INSL6: variants seen among roughly 807,000 people sequenced by gnomAD.
INSL6 encodes the protein insulin like 6.
INSL6 carries 16 observed loss-of-function variants against 9.4 expected under a neutral mutation model. The ratio of observed to expected loss-of-function variants is 1.70; its 90% confidence interval spans 1.15 to 2.59. INSL6 has a LOEUF of 2.59. INSL6 is among the 30% of genes most tolerant of loss of function. The pLI is 0.00. For missense variants in INSL6, 391 were observed against 257.3 expected, an observed-to-expected ratio of 1.52 and a Z score of -3.56; for synonymous variants, 154 against 96.9, an observed-to-expected ratio of 1.59 and a Z score of -3.46.
the INSL6 span, among the ~76,000 whole-genome samples, chr9:5,023,616 C>A: frequency 6.6e-6 from 1 of 152,226 alleles, no homozygotes; most frequent in South Asian, 2.1e-4. Flanking sequence ...CTTAACCTTT[C>A]CCTGTGTGGA....
chr9:5,108,250 C>G, the INSL6 span: 2 of 152,088 alleles, frequency 1.3e-5, no homozygotes, highest in African/African-American at 2.4e-5. Flanking sequence ...ATAGCATTCA[C>G]AGCCACAGAA....
At chr9:5,073,601 A>G in the INSL6 span, 1 of 878,734 alleles carries the variant, frequency 1.1e-6, no homozygotes. Context: ...TGCTGAAAGT[A>G]GGAGAAAGTG....
intron 2 of INSL6, among the ~76,000 whole-genome samples, chr9:5,149,407 C>G (rs570436281): frequency 2.6e-5 from 4 of 152,144 alleles, no homozygotes; most frequent in Non-Finnish European, 5.9e-5. Context: ...TCTTGCTTAC[C>G]TTCCTACCCA....
the INSL6 span, chr9:5,097,443 A>G: frequency 1.3e-5 from 2 of 152,158 alleles, no homozygotes; most frequent in Non-Finnish European, 2.9e-5. Context: ...ATTACTCTGG[A>G]AAAAAGGAGC....
chr9:5,111,983 C>G, the INSL6 span: 58 of 365,616 alleles, frequency 1.6e-4, 2 homozygotes, highest in Admixed American at 1.6e-3. Flanking sequence ...TGGGCTCCCC[C>G]CAGGGCCTGG....
At chr9:5,093,978 G>GCTAT in the INSL6 span, among the ~76,000 whole-genome samples, 3 of 152,076 alleles carry the variant, frequency 2.0e-5, no homozygotes, top group Non-Finnish European at 4.4e-5. Context: ...CATAAATGAT[G>GCTAT]CTATCTCAAT....
chr9:5,062,276 G>A, the INSL6 span, among the ~76,000 whole-genome samples: 2 of 151,820 alleles, frequency 1.3e-5, no homozygotes, highest in East Asian at 1.9e-4. Flanking sequence ...TATATGCAGG[G>A]GTCCTGTAAC....
intron 1 of INSL6, among the ~76,000 whole-genome samples, chr9:5,168,846 AG>A (rs1825116310): frequency 6.6e-6 from 1 of 152,160 alleles, no homozygotes; most frequent in Admixed American, 6.6e-5. Context: ...TCACCTATAA[AG>A]GGAAGCCCAT....
chr9:4,995,513 C>T, the INSL6 span, among the ~76,000 whole-genome samples: 1 of 152,150 alleles, frequency 6.6e-6, no homozygotes, highest in Non-Finnish European at 1.5e-5. Flanking sequence ...TCAGATAATC[C>T]TTCTTTTCTC....
At chr9:5,023,247 A>T in the INSL6 span, among the ~76,000 whole-genome samples, 5 of 152,256 alleles carry the variant, frequency 3.3e-5, no homozygotes, top group East Asian at 7.7e-4. Context: ...TATGAATGAG[A>T]ACTTGTTATA....
At chr9:5,054,631 G>A in the INSL6 span, 7 of 1,612,726 alleles carry the variant, frequency 4.3e-6, no homozygotes, top group South Asian at 1.1e-5. This position sits in a 1 kb window ranked among gnomAD's most constrained non-coding sequence, Gnocchi z 4.9. Flanking sequence ...ACAAGGAAGC[G>A]AATAAGGTAC....
the INSL6 span, chr9:5,099,949 G>C: frequency 6.6e-6 from 1 of 152,112 alleles, no homozygotes; most frequent in Non-Finnish European, 1.5e-5. Context: ...TTTACCACAA[G>C]GCACACCTAT....
chr9:4,999,884 C>G, the INSL6 span, among the ~76,000 whole-genome samples: 1 of 152,208 alleles, frequency 6.6e-6, no homozygotes, highest in Non-Finnish European at 1.5e-5. Flanking sequence ...GCTACTACTC[C>G]TGTCCTTTTT....
chr9:5,095,399 A>T, the INSL6 span, among the ~76,000 whole-genome samples: 2 of 152,150 alleles, frequency 1.3e-5, no homozygotes, highest in Non-Finnish European at 2.9e-5. Flanking sequence ...GCAGCCACCA[A>T]ATATTTTCTT....
the INSL6 span, among the ~76,000 whole-genome samples, chr9:5,039,604 A>G: frequency 3.3e-5 from 5 of 152,286 alleles, no homozygotes; most frequent in East Asian, 7.7e-4. Flanking sequence ...GAATTAATAA[A>G]AAAACTATTA....
chr9:5,095,970 A>G, the INSL6 span, among the ~76,000 whole-genome samples: 5 of 152,140 alleles, frequency 3.3e-5, no homozygotes, highest in African/African-American at 1.2e-4. Context: ...TAATTCTACT[A>G]TCCCTAGGAG....
At chr9:5,112,634 G>C in the INSL6 span, 1 of 998,112 alleles carries the variant, frequency 1.0e-6, no homozygotes, top group Non-Finnish European at 1.4e-6. Context: ...CCTCAACAGC[G>C]AGAAGCCCCA....
chr9:5,015,995 G>C, the INSL6 span, among the ~76,000 whole-genome samples: 2 of 152,218 alleles, frequency 1.3e-5, no homozygotes, highest in African/African-American at 4.8e-5. Context: ...TGCTATGCTT[G>C]CTGGGTTTCC....
intron 2 of INSL6, among the ~76,000 whole-genome samples, chr9:5,156,235 A>C (rs1824813064): frequency 6.6e-6 from 1 of 152,230 alleles, no homozygotes; most frequent in Non-Finnish European, 1.5e-5. Context: ...GCAAGCCAAA[A>C]TAACTTTATT....
Sources: allele counts gnomAD v4.1 joint callset (sites outside exome capture counted in the v4.1 genomes callset), GRCh38; gene constraint gnomAD v4.1.1; non-coding constraint Gnocchi (gnomAD v3.1); transcripts MANE v1.5; gene names NCBI Gene and HGNC (gene_info 2026-07-23, HGNC 2026-07-21).